ARHGAP15: variants seen among roughly 807,000 people sequenced by gnomAD.
ARHGAP15 encodes the protein rho GTPase-activating protein 15.
A neutral mutation model predicts 63.7 loss-of-function variants in ARHGAP15; 51 were observed. That is an observed-to-expected ratio of 0.80 (90% CI 0.64 to 1.01). The LOEUF is 1.01. ARHGAP15 is among the 50% of genes least tolerant of loss of function. ARHGAP15 has a pLI of 0.00. For synonymous variants in ARHGAP15, 191 were observed against 193.8 expected (o/e 0.99, Z 0.12); for missense variants, 560 against 564.6 (o/e 0.99, Z 0.08).
intron 13 of ARHGAP15, among the ~76,000 whole-genome samples, chr2:143,730,889 C>CT (rs1239816755): frequency 1.2e-4 from 11 of 94,564 alleles, no homozygotes; most frequent in African/African-American, 2.9e-4. Flanking sequence ...TAGAGCACTC[C>CT]TTTAAAAAAA....
chr2:143,271,266 T>C (rs1005402295), intron 6 of ARHGAP15, among the ~76,000 whole-genome samples: 1 of 152,228 alleles, frequency 6.6e-6, no homozygotes, highest in African/African-American at 2.4e-5. Flanking sequence ...AAGCAAATCT[T>C]CCATTTCTGG....
intron 11 of ARHGAP15, among the ~76,000 whole-genome samples, chr2:143,581,848 A>C (rs146504043): frequency 2.0e-4 from 31 of 152,214 alleles, no homozygotes; most frequent in African/African-American, 7.0e-4. Flanking sequence ...ATTGCTTAAA[A>C]TTTTCCAAGG....
At chr2:143,722,569 G>A (rs1278746129) in intron 13 of ARHGAP15, among the ~76,000 whole-genome samples, 1 of 152,188 alleles carries the variant, frequency 6.6e-6, no homozygotes, top group East Asian at 1.9e-4. Context: ...CTAAGGTTTT[G>A]CCTTTGCAGT....
At chr2:143,519,155 A>C in intron 9 of ARHGAP15, 111 bp from the exon 10 acceptor site, 2 of 776,332 alleles carry the variant, frequency 2.6e-6, no homozygotes, top group East Asian at 2.9e-5. Context: ...GCAAAAAAAA[A>C]ATCTTATGCA....
At chr2:143,241,595 T>A (rs529909385) in intron 5 of ARHGAP15, among the ~76,000 whole-genome samples, 29 of 152,328 alleles carry the variant, frequency 1.9e-4, no homozygotes, top group African/African-American at 7.0e-4. Flanking sequence ...TATAAATAAT[T>A]GGCCACATTC....
At chr2:143,377,608 T>C (rs1686874508) in intron 6 of ARHGAP15, among the ~76,000 whole-genome samples, 1 of 151,932 alleles carries the variant, frequency 6.6e-6, no homozygotes, top group African/African-American at 2.4e-5. Flanking sequence ...CACTAAATAC[T>C]TTTCGAAAGA....
At chr2:143,550,440 G>A (rs1695505372) in intron 10 of ARHGAP15, among the ~76,000 whole-genome samples, 1 of 152,156 alleles carries the variant, frequency 6.6e-6, no homozygotes, top group African/African-American at 2.4e-5. Flanking sequence ...AAGAGAAGGA[G>A]GGTAGTTGAT....
In ARHGAP15 at chr2:143,437,086, G is replaced by A. The variant is rs771889371; in HGVS notation, c.703+44G>A. 208 of 1,565,922 alleles carry A rather than the reference G, an allele frequency of 1.3e-4. 2 individuals carry two copies. In the South Asian group the frequency reaches 2.2e-3, roughly 17 times the overall value. On this transcript the variant is annotated intron_variant, in intron 8 of 13. Coordinates refer to ENST00000295095, the MANE Select transcript of ARHGAP15 (RefSeq NM_018460.4). Reference sequence around the variant, plus strand: ...TTGCTCATTTTAAGTTTGTCTAAATGCAGTGCTTATGAAATATAAATGCAT... The same window carrying A: ...TTGCTCATTTTAAGTTTGTCTAAATACAGTGCTTATGAAATATAAATGCAT...
At chr2:143,755,714 A>C (rs1686551505) in intron 13 of ARHGAP15, among the ~76,000 whole-genome samples, 1 of 152,054 alleles carries the variant, frequency 6.6e-6, no homozygotes, top group African/African-American at 2.4e-5. Context: ...GGTGGCTCAC[A>C]CCTGTAATCC....
chr2:143,258,256 T>G (rs902217862), intron 6 of ARHGAP15, among the ~76,000 whole-genome samples: 1 of 151,576 alleles, frequency 6.6e-6, no homozygotes, highest in Non-Finnish European at 1.5e-5. Context: ...AAAATACATA[T>G]ATATATATAT....
chr2:143,712,853 T>A (rs1433053960), intron 13 of ARHGAP15, among the ~76,000 whole-genome samples: 1 of 148,412 alleles, frequency 6.7e-6, no homozygotes, highest in Non-Finnish European at 1.5e-5. Flanking sequence ...GGAAAAAAAA[T>A]GATATTCTAT....
At chr2:143,617,165 G>GT (rs755038395) in intron 11 of ARHGAP15, among the ~76,000 whole-genome samples, 69 of 152,130 alleles carry the variant, frequency 4.5e-4, no homozygotes, top group Non-Finnish European at 6.0e-4. Flanking sequence ...CTGAATATTG[G>GT]TAATTATTTT....
At chr2:143,753,374 G>A (rs1686454534) in intron 13 of ARHGAP15, among the ~76,000 whole-genome samples, 1 of 152,146 alleles carries the variant, frequency 6.6e-6, no homozygotes, top group Admixed American at 6.5e-5. Context: ...CCCCTTAACA[G>A]ACTAAGAGCC....
chr2:143,755,758 G>A (rs1347153767), intron 13 of ARHGAP15, among the ~76,000 whole-genome samples: 1 of 152,136 alleles, frequency 6.6e-6, no homozygotes, highest in Non-Finnish European at 1.5e-5. Flanking sequence ...ATTACCTGAG[G>A]TAGGGAGTTT....
intron 6 of ARHGAP15, among the ~76,000 whole-genome samples, chr2:143,294,514 T>A (rs1236440770): frequency 6.6e-6 from 1 of 152,072 alleles, no homozygotes; most frequent in Admixed American, 6.6e-5. Context: ...GAACCCTGAC[T>A]CTTCCCATGT....
chr2:143,609,396 T>A (rs1004394976), intron 11 of ARHGAP15, among the ~76,000 whole-genome samples: 1 of 152,200 alleles, frequency 6.6e-6, no homozygotes, highest in Non-Finnish European at 1.5e-5. Flanking sequence ...GGAATTTCCA[T>A]GCTTTTGTGA....
At chr2:143,234,206 TGTTAGA>T (rs1392835129) in intron 5 of ARHGAP15, among the ~76,000 whole-genome samples, 1 of 152,232 alleles carries the variant, frequency 6.6e-6, no homozygotes, top group East Asian at 1.9e-4. Context: ...CTATGTATAT[TGTTAGA>T]GTTAATTTTT....
chr2:143,412,993 T>G (rs1053109069), intron 6 of ARHGAP15, among the ~76,000 whole-genome samples: 1 of 152,176 alleles, frequency 6.6e-6, no homozygotes, highest in Non-Finnish European at 1.5e-5. Context: ...TATTTCCAAT[T>G]AGCTGCCAAA....
intron 11 of ARHGAP15, among the ~76,000 whole-genome samples, chr2:143,600,646 T>G (rs933046041): frequency 8.5e-5 from 13 of 152,192 alleles, no homozygotes; most frequent in African/African-American, 3.1e-4. Flanking sequence ...TCATCTCATT[T>G]ACTACAGTGA....
Sources: gnomAD v4.1 joint callset for allele counts (sites outside exome capture counted in the v4.1 genomes callset) on GRCh38, gnomAD v4.1.1 for gene constraint, MANE v1.5 for transcripts, NCBI Gene and HGNC (gene_info 2026-07-23, HGNC 2026-07-21) for gene names.